The following ESR2 variants were observed in gnomAD, a reference collection of about 807,000 sequenced individuals.
The protein encoded by ESR2 is estrogen receptor 2.
ESR2 carries 36 observed loss-of-function variants against 49.6 expected under a neutral mutation model. The observed-to-expected ratio is 0.73, with a 90% CI of 0.56 to 0.96. The LOEUF (loss-of-function observed/expected upper bound fraction) is 0.96, where lower values mean the gene tolerates loss of function less well. ESR2 is among the 40% of genes least tolerant of loss of function. ESR2 has a pLI of 0.00. For missense variants in ESR2, 714 were observed against 693.0 expected, an observed-to-expected ratio of 1.03 and a Z score of -0.34; for synonymous variants, 320 against 266.1, an observed-to-expected ratio of 1.20 and a Z score of -1.97.
chr14:64,234,944 G>C (rs778324793), intron 8 of ESR2, 26 bp downstream of exon 8: 2 of 1,606,126 alleles, frequency 1.2e-6, no homozygotes, highest in African/African-American at 1.3e-5. Context: ...CCAAGCCCAA[G>C]CAGAGCAGCT....
At chr14:64,235,265 T>C (rs905347966) in intron 7 of ESR2, 115 bp from the exon 8 acceptor site, 1 of 1,062,506 alleles carries the variant, frequency 9.4e-7, no homozygotes, top group Non-Finnish European at 1.4e-6. Context: ...GACAGCTGCA[T>C]GTGTGGCAGG....
At chr14:64,259,190 T>A (rs1251141518) in intron 5 of ESR2, among the ~76,000 whole-genome samples, 1 of 152,224 alleles carries the variant, frequency 6.6e-6, no homozygotes, top group African/African-American at 2.4e-5. Flanking sequence ...AAGGTGAAGA[T>A]GCTAGACAAA....
In ESR2 at chr14:64,260,560, G is replaced by A. The variant is rs1373863710; in HGVS notation, c.841C>T (p.Leu281=). ...AAGGGCGCACTGGGGCGGCTGATCA[G>A]CACATGGGGCGGCTCAGCCTCCAGG... ...TLLEAEPPHV[L]ISRPSAPFTE... Residue 281 remains leucine, a synonymous_variant, in exon 5 of 9, where the codon CTG becomes TTG. Coordinates refer to ENST00000341099, the MANE Select transcript of ESR2 (RefSeq NM_001437.3). 7 of 1,595,292 alleles carry A rather than the reference G, an allele frequency of 4.4e-6. No individual in the cohort carries two copies. The highest frequency in any genetic ancestry group is 8.5e-7 in the Non-Finnish European group (1 of 1,170,134).
At chr14:64,236,037 G>A (rs1440654522) in intron 7 of ESR2, among the ~76,000 whole-genome samples, 8 of 152,218 alleles carry the variant, frequency 5.3e-5, no homozygotes, top group Non-Finnish European at 1.2e-4. Flanking sequence ...CCAGGGAGCT[G>A]CTGAGTCTTG....
At chr14:64,331,822 C>CA (rs368932180) in intron 1 of ESR2, among the ~76,000 whole-genome samples, 6,129 of 51,688 alleles carry the variant, frequency 0.12, 438 homozygotes, top group African/African-American at 0.23. Context: ...GACTCCATCT[C>CA]AAAAAAAAAA....
rs754023746 is a variant in ESR2 at position 64,282,993 on chromosome 14, G to A, written c.-8C>T. The A allele has an allele frequency of 2.2e-5, 36 of 1,604,374 alleles. No individual in the cohort carries two copies. The highest frequency in any genetic ancestry group is 2.9e-5 in the Non-Finnish European group (34 of 1,174,568). ...TGAGTTTTTTATATCCATGTCTTGA[G>A]ATAACAGCTGAGAAAACACCTTGCA... On this transcript the variant is annotated 5_prime_UTR_variant, in exon 2 of 9. Coordinates refer to ENST00000341099, the MANE Select transcript of ESR2 (RefSeq NM_001437.3).
At chr14:64,299,399 CTTT>C (rs541707521), upstream of ESR2, among the ~76,000 whole-genome samples, 303 of 125,614 alleles carry the variant, frequency 2.4e-3, 1 homozygote, top group Non-Finnish European at 8.6e-4. Flanking sequence ...ACAGAAATAG[CTTT>C]TTTTTTTTTT....
chr14:64,261,111 C>T (rs1488291949), intron 4 of ESR2, among the ~76,000 whole-genome samples: 1 of 151,844 alleles, frequency 6.6e-6, no homozygotes, highest in Admixed American at 6.6e-5. Context: ...GTATATATTT[C>T]CTTATACTTA....
chr14:64,278,654 T>G (rs973201838), intron 3 of ESR2, among the ~76,000 whole-genome samples: 1 of 151,894 alleles, frequency 6.6e-6, no homozygotes, highest in Admixed American at 6.6e-5. Context: ...ATGGGGCAAA[T>G]AGAGAAAACA....
At position 64,260,653 on chromosome 14, in the gene ESR2, C is replaced by G. The variant is rs201239439; in HGVS notation, c.748G>C (p.Gly250Arg). 1.8e-5 allele frequency: 29 copies of G among 1,598,988 alleles called. No homozygotes were observed. In the Admixed American group the frequency reaches 2.2e-4, roughly 12 times the overall value. The change falls in exon 5 of 9, where the codon GGC (glycine) becomes CGC (arginine). Residue 250 changes from glycine (G) to arginine (R), a missense_variant. Gly to Arg is a moderately radical substitution (Grantham distance 125). Transcript: ENST00000341099. The part of the protein sequence containing the change: ...HCAGKAKRSG[G>R]HAPRVRELLL... ...AGCTCCCGCACTCGGGGCGCGTGGC[C>G]GCCACTTCTCTTGGCCTTGCCGGCA...
chr14:64,327,356 T>C (rs888431287), intron 1 of ESR2, among the ~76,000 whole-genome samples: 1 of 151,868 alleles, frequency 6.6e-6, no homozygotes, highest in Non-Finnish European at 1.5e-5. Context: ...AGCTCAGGAA[T>C]TCGAGACCAG....
chr14:64,227,440 T>A, downstream of ESR2: 1 of 1,423,484 alleles, frequency 7.0e-7, no homozygotes, highest in Non-Finnish European at 9.7e-7. Context: ...TCTTTAAAAT[T>A]ATTTTTTTCA....
intron 4 of ESR2, among the ~76,000 whole-genome samples, chr14:64,268,176 C>A (rs915345613): frequency 1.3e-5 from 2 of 152,106 alleles, no homozygotes; most frequent in African/African-American, 4.8e-5. Context: ...TGTGAGTGTA[C>A]AAAATACATG....
intron 6 of ESR2, among the ~76,000 whole-genome samples, chr14:64,255,758 T>A (rs2076084946): frequency 6.6e-6 from 1 of 152,182 alleles, no homozygotes; most frequent in South Asian, 2.1e-4. Context: ...AGCCAATAGG[T>A]TAACTATTTT....
upstream of ESR2, among the ~76,000 whole-genome samples, chr14:64,295,007 C>T (rs532391797): frequency 2.0e-5 from 3 of 152,372 alleles, no homozygotes; most frequent in South Asian, 6.2e-4. Context: ...CACCCCTCTT[C>T]TCGGGCGAAG....
At chr14:64,313,704 C>T (rs1434105502) in intron 1 of ESR2, among the ~76,000 whole-genome samples, 1 of 151,256 alleles carries the variant, frequency 6.6e-6, no homozygotes, top group African/African-American at 2.4e-5. Flanking sequence ...CCTGGCACCC[C>T]ACCTCTACCA....
At chr14:64,333,695 A>C (rs1229689988) in intron 1 of ESR2, among the ~76,000 whole-genome samples, 1 of 152,156 alleles carries the variant, frequency 6.6e-6, no homozygotes, top group Admixed American at 6.5e-5. Context: ...ATCCCATGAG[A>C]CTTATTCACT....
At chr14:64,295,594 G>A (rs1370165947), upstream of ESR2, among the ~76,000 whole-genome samples, 2 of 152,160 alleles carry the variant, frequency 1.3e-5, no homozygotes, top group Non-Finnish European at 2.9e-5. Flanking sequence ...AAGTTAGTTT[G>A]GACGGGAAGA....
chr14:64,288,584 G>C (rs1012773212), intron 1 of ESR2, among the ~76,000 whole-genome samples: 2 of 151,836 alleles, frequency 1.3e-5, no homozygotes, highest in Admixed American at 6.6e-5. Flanking sequence ...TCTTGACCTC[G>C]TGACCCGCCC....
Sources: allele counts gnomAD v4.1 joint callset (sites outside exome capture counted in the v4.1 genomes callset), GRCh38; gene constraint gnomAD v4.1.1; transcripts MANE v1.5; gene names NCBI Gene and HGNC (gene_info 2026-07-23, HGNC 2026-07-21).